The following MAPK10 variants were observed in gnomAD, a reference collection of about 807,000 sequenced individuals.
MAPK10 encodes mitogen-activated protein kinase 10, also known as JNK3 alpha protein kinase.
In MAPK10, 25 loss-of-function variants were observed where a neutral mutation model predicts 59.3. The observed-to-expected ratio is 0.42, with a 90% CI of 0.31 to 0.59. MAPK10 has a LOEUF of 0.59. Among genes scored for constraint, MAPK10 ranks in the 20% least tolerant of loss-of-function variants. The pLI is 0.15. For synonymous variants in MAPK10, 190 were observed against 200.5 expected (o/e 0.95, Z 0.44); for missense variants, 351 against 568.9 (o/e 0.62, Z 3.90).
intron 1 of MAPK10, chr4:86,358,383 T>G (rs1735607568): frequency 2.0e-6 from 2 of 985,396 alleles, no homozygotes; most frequent in Non-Finnish European, 2.4e-6. Context: ...ACACTCGTTT[T>G]CCTTCCACCT....
At chr4:86,177,026 A>G (rs1050377551) in intron 3 of MAPK10, among the ~76,000 whole-genome samples, 1 of 152,122 alleles carries the variant, frequency 6.6e-6, no homozygotes, top group Non-Finnish European at 1.5e-5. Context: ...AACACTCATT[A>G]AAAGGAGAAG....
intron 4 of MAPK10, among the ~76,000 whole-genome samples, chr4:86,109,197 T>A (rs2057043407): frequency 6.6e-6 from 1 of 152,222 alleles, no homozygotes. Context: ...AATAATGACA[T>A]TCCACACTAT....
chr4:86,174,348 C>A (rs2075167816), intron 3 of MAPK10, among the ~76,000 whole-genome samples: 1 of 152,118 alleles, frequency 6.6e-6, no homozygotes, highest in South Asian at 2.1e-4. Context: ...AAGCCATCAT[C>A]CTCAGCAAAC....
intron 1 of MAPK10, among the ~76,000 whole-genome samples, chr4:86,526,651 G>A (rs1210714138): frequency 2.0e-5 from 3 of 151,892 alleles, no homozygotes; most frequent in African/African-American, 7.3e-5. Flanking sequence ...TCCTTTACAT[G>A]TGATGTTAGA....
intron 1 of MAPK10, among the ~76,000 whole-genome samples, chr4:86,592,966 TGGGAGCG>T (rs1447412124): frequency 6.6e-6 from 1 of 152,240 alleles, no homozygotes; most frequent in Non-Finnish European, 1.5e-5. Context: ...GTTAGCTCCT[TGGGAGCG>T]GGGACTTAGC....
At chr4:86,152,673 T>G (rs2066764780) in intron 4 of MAPK10, 1 of 152,138 alleles carries the variant, frequency 6.6e-6, no homozygotes, top group African/African-American at 2.4e-5. Flanking sequence ...AAGCATGACT[T>G]AGTAGAGAGA....
At chr4:86,041,164 C>A (rs946219733) in intron 11 of MAPK10, among the ~76,000 whole-genome samples, 3 of 152,066 alleles carry the variant, frequency 2.0e-5, no homozygotes, top group Non-Finnish European at 4.4e-5. Context: ...ACAATAGCTA[C>A]AATAATGTGT....
chr4:86,194,754 C>G (rs894134376), intron 2 of MAPK10, among the ~76,000 whole-genome samples: 1 of 151,140 alleles, frequency 6.6e-6, no homozygotes, highest in African/African-American at 2.4e-5. Flanking sequence ...ATATGCTCAA[C>G]AGGATATATA....
chr4:86,258,010 C>T (rs1382120009), intron 2 of MAPK10, among the ~76,000 whole-genome samples: 1 of 152,056 alleles, frequency 6.6e-6, no homozygotes, highest in African/African-American at 2.4e-5. Flanking sequence ...CTGATAGGAC[C>T]TACTAGAGAA....
intron 2 of MAPK10, among the ~76,000 whole-genome samples, chr4:86,199,816 T>C (rs1478568468): frequency 1.3e-5 from 2 of 152,036 alleles, no homozygotes; most frequent in Non-Finnish European, 2.9e-5. Flanking sequence ...GCCTTGTGTA[T>C]GCATGGATGT....
intron 1 of MAPK10, among the ~76,000 whole-genome samples, chr4:86,495,969 T>C (rs988643087): frequency 5.3e-5 from 8 of 152,300 alleles, no homozygotes; most frequent in African/African-American, 1.9e-4. Context: ...TATTAACACA[T>C]TTTTTCTATA....
At chr4:86,285,392 T>C (rs1426016527) in intron 2 of MAPK10, among the ~76,000 whole-genome samples, 7 of 152,044 alleles carry the variant, frequency 4.6e-5, no homozygotes, top group Admixed American at 4.6e-4. Context: ...AATTTTTGTA[T>C]TTTTAGTAGA....
At chr4:86,204,984 C>A (rs1218526603) in intron 2 of MAPK10, among the ~76,000 whole-genome samples, 8 of 151,980 alleles carry the variant, frequency 5.3e-5, no homozygotes, top group African/African-American at 1.7e-4. Flanking sequence ...ACAAACAATT[C>A]TACAATAACC....
intron 1 of MAPK10, among the ~76,000 whole-genome samples, chr4:86,433,901 A>G (rs530253064): frequency 6.6e-6 from 1 of 152,182 alleles, no homozygotes; most frequent in Non-Finnish European, 1.5e-5. Flanking sequence ...CTTAAACAAA[A>G]TGTAACAAAT....
chr4:86,189,221 T>A (rs1171499840), intron 3 of MAPK10, among the ~76,000 whole-genome samples: 5 of 152,028 alleles, frequency 3.3e-5, no homozygotes, highest in Admixed American at 3.3e-4. Context: ...TGTCTTGGCT[T>A]TATGGGCTCT....
At chr4:86,075,229 TG>T (rs2049029132) in intron 9 of MAPK10, among the ~76,000 whole-genome samples, 1 of 152,216 alleles carries the variant, frequency 6.6e-6, no homozygotes, top group Non-Finnish European at 1.5e-5. Flanking sequence ...TCTCGAGCCT[TG>T]GTTTTCAGCT....
chr4:86,130,765 A>G (rs1477161468), intron 4 of MAPK10, among the ~76,000 whole-genome samples: 1 of 152,160 alleles, frequency 6.6e-6, no homozygotes, highest in Non-Finnish European at 1.5e-5. Context: ...GATGGGGAAG[A>G]AGATGTTGGG....
Position 86,247,518 on chromosome 4 carries a change from G to T in MAPK10, c.-6-53111C>A, listed in dbSNP as rs145693598. Among the ~76,000 whole-genome samples, 643 of 152,278 alleles carry T rather than the reference G, an allele frequency of 4.2e-3. 5 individuals are homozygous for T. Among genetic ancestry groups the T allele is most frequent in the African/African-American group, 0.015 (621 of 41,562 alleles). On this transcript the variant is annotated intron_variant, in intron 2 of 13. Coordinates refer to ENST00000641462, the MANE Select transcript of MAPK10 (RefSeq NM_138982.4). ...TCTGTCTGAGGCATCGTTAGGCCATGATTTAGTCAGATAAATGAGTCACAG... is the reference window on the plus strand; with the variant it reads ...TCTGTCTGAGGCATCGTTAGGCCATTATTTAGTCAGATAAATGAGTCACAG...
intron 4 of MAPK10, among the ~76,000 whole-genome samples, chr4:86,136,743 T>C (rs1171642822): frequency 2.0e-5 from 3 of 151,374 alleles, no homozygotes; most frequent in African/African-American, 7.4e-5. Context: ...GACTGGCAAA[T>C]TGGATAAAGA....
Sources: gnomAD v4.1 joint callset for allele counts (sites outside exome capture counted in the v4.1 genomes callset) on GRCh38, gnomAD v4.1.1 for gene constraint, MANE v1.5 for transcripts, NCBI Gene and HGNC (gene_info 2026-07-23, HGNC 2026-07-21) for gene names.